The following CP variants were observed in gnomAD, a reference collection of about 807,000 sequenced individuals.
The protein encoded by CP is caeruloplasmin.
In CP, 64 loss-of-function variants were observed where a neutral mutation model predicts 122.4. The observed-to-expected ratio is 0.52, with a 90% CI of 0.43 to 0.64. The LOEUF is 0.64. Among genes scored for constraint, CP ranks in the 30% least tolerant of loss-of-function variants. The pLI, the probability that CP is intolerant of heterozygous loss-of-function variation, is 0.00. For synonymous variants in CP, 440 were observed against 436.4 expected (o/e 1.01, Z -0.10); for missense variants, 1,167 against 1,284.4 (o/e 0.91, Z 1.40).
In CP at chr3:149,183,470, A is replaced by T. The variant is rs998289672; in HGVS notation, c.2421T>A (p.Ile807=). The T allele has an allele frequency of 1.2e-6, 2 of 1,611,422 alleles. No homozygotes were observed. Among genetic ancestry groups the T allele is most frequent in the Admixed American group, 3.3e-5 (2 of 60,026 alleles). Residue 807 remains isoleucine, a synonymous_variant, in exon 13 of 19, where the codon ATT becomes ATA. Transcript: ENST00000264613. The part of the protein sequence containing the change: ...ERKAEEEHLG[I]LGPQLHADVG... ...AAACTGGAGATATTAACATACCTAG[A>T]ATTCCCAGATGTTCTTCTTCAGCTT...
intron 12 of CP, among the ~76,000 whole-genome samples, chr3:149,184,994 T>A (rs1726055961): frequency 6.6e-6 from 1 of 152,108 alleles, no homozygotes; most frequent in African/African-American, 2.4e-5. Context: ...GACACTCCAG[T>A]AGAAAAGAAA....
intron 9 of CP, among the ~76,000 whole-genome samples, chr3:149,190,482 A>AC (rs1726470277): frequency 6.6e-6 from 1 of 152,050 alleles, no homozygotes; most frequent in African/African-American, 2.4e-5. Flanking sequence ...ACATGGTGAA[A>AC]CCCCATCTCT....
At chr3:149,193,279 G>C (rs747545113) in intron 9 of CP, among the ~76,000 whole-genome samples, 1 of 151,986 alleles carries the variant, frequency 6.6e-6, no homozygotes, top group Non-Finnish European at 1.5e-5. Flanking sequence ...CTACTGTTTA[G>C]TTAAAACAAA....
At chr3:149,190,690 A>G (rs866278675) in intron 9 of CP, among the ~76,000 whole-genome samples, 20 of 150,956 alleles carry the variant, frequency 1.3e-4, no homozygotes, top group African/African-American at 4.6e-4. Context: ...GAGGGGGGGA[A>G]CCCCATAAAC....
chr3:149,178,566 A>G lies in CP; in HGVS notation c.2727T>C (p.Asn909=). The G allele has an allele frequency of 6.2e-7, 1 of 1,613,680 alleles. No individual in the cohort carries two copies. The change falls in exon 16 of 19, where the codon AAT becomes AAC. Residue 909 remains asparagine (N), a synonymous_variant. Coordinates refer to ENST00000264613, the MANE Select transcript of CP (RefSeq NM_000096.4). ...GGGCAAATTCCAGTTTCCTTCTGGG[A>G]TTGAATACTTTCAAGTAAGGTCTTC... is the stretch of plus-strand genomic sequence containing the variant. ...VCRRPYLKVF[N]PRRKLEFALL... is the part of the protein sequence containing the mutation.
downstream of CP, chr3:149,172,187 C>G (rs1489252070): frequency 1.2e-6 from 2 of 1,613,444 alleles, no homozygotes; most frequent in Non-Finnish European, 1.7e-6. Context: ...CTTGCCATAT[C>G]TTCTCTATTG....
downstream of CP, chr3:149,172,021 T>G (rs1446337787): frequency 2.0e-6 from 3 of 1,497,168 alleles, no homozygotes; most frequent in Non-Finnish European, 2.8e-6. Flanking sequence ...GGCTTCTAAT[T>G]GGTTGGTTAA....
chr3:149,210,426 T>G (rs768088300), intron 2 of CP, 47 bp from the exon 3 acceptor site: 2 of 1,486,542 alleles, frequency 1.3e-6, no homozygotes, highest in South Asian at 1.1e-5. Flanking sequence ...GTGTTTGAAC[T>G]TAAATGAGAG....
intron 9 of CP, among the ~76,000 whole-genome samples, chr3:149,196,309 T>A (rs1367097166): frequency 6.6e-6 from 1 of 152,174 alleles, no homozygotes; most frequent in African/African-American, 2.4e-5. Flanking sequence ...AAAAAATCTG[T>A]AGACTCAAAT....
chr3:149,162,929 AAAAAC>A (rs1291564856), intron 5 of CP: 1 of 1,363,506 alleles, frequency 7.3e-7, no homozygotes, highest in South Asian at 1.2e-5. Context: ...TGCCCATTAC[AAAAAC>A]ATACCTTATT....
chr3:149,167,581 T>A (rs566593779), downstream of CP, among the ~76,000 whole-genome samples: 2 of 152,338 alleles, frequency 1.3e-5, no homozygotes, highest in African/African-American at 4.8e-5. Flanking sequence ...CTTAGTTCTT[T>A]TTTTTCTTCA....
At chr3:149,205,330 G>A (rs1004523828) in intron 6 of CP, among the ~76,000 whole-genome samples, 1 of 149,910 alleles carries the variant, frequency 6.7e-6, no homozygotes, top group Non-Finnish European at 1.5e-5. Flanking sequence ...ATTAAAAATA[G>A]AATTACCATT....
chr3:149,198,314 A>C, intron 9 of CP, 53 bp downstream of exon 9: 2 of 1,365,916 alleles, frequency 1.5e-6, no homozygotes, highest in Non-Finnish European at 2.1e-6. Flanking sequence ...ATTTCTGTCA[A>C]ATGATCATTT....
chr3:149,212,444 A>C lies in CP; in HGVS notation c.394+7T>G, dbSNP rs368682092. 1.9e-6 allele frequency: 3 copies of C among 1,613,912 alleles called. No individual in the cohort carries two copies. Among genetic ancestry groups the C allele is most frequent in the Non-Finnish European group, 2.5e-6 (3 of 1,179,922 alleles). On this transcript the variant is annotated splice_region_variant and intron_variant, in intron 2 of 18. Coordinates refer to ENST00000264613, the MANE Select transcript of CP (RefSeq NM_000096.4). ...GAGGAAATTCCAGCTACATGAGCTG[A>C]ACTTACCCTCATGTTCCTTATAGTA...
chr3:149,190,887 T>A (rs1043841657), intron 9 of CP, among the ~76,000 whole-genome samples: 3 of 152,166 alleles, frequency 2.0e-5, no homozygotes, highest in Non-Finnish European at 4.4e-5. Context: ...TAAGCTTAAA[T>A]GAGAAATTCT....
At chr3:149,216,444 C>A (rs1282187329) in intron 1 of CP, among the ~76,000 whole-genome samples, 1 of 152,176 alleles carries the variant, frequency 6.6e-6, no homozygotes, top group African/African-American at 2.4e-5. Flanking sequence ...TAGGTGGCCC[C>A]TTTCATCTTC....
At chr3:149,177,194 G>T (rs946692706) in intron 17 of CP, among the ~76,000 whole-genome samples, 7 of 152,072 alleles carry the variant, frequency 4.6e-5, no homozygotes, top group Admixed American at 3.9e-4. Context: ...CTTAGAACAG[G>T]CAGGGCAAGG....
chr3:149,164,985 G>A (rs796515567), intron 5 of CP, among the ~76,000 whole-genome samples: 2 of 152,336 alleles, frequency 1.3e-5, no homozygotes, highest in African/African-American at 4.8e-5. Flanking sequence ...GAGGAGGGAA[G>A]CTGAAGAGGC....
At chr3:149,217,693 T>C (rs73166839) in intron 1 of CP, among the ~76,000 whole-genome samples, 14,283 of 152,262 alleles carry the variant, frequency 0.094, 963 homozygotes, top group East Asian at 0.32. Context: ...AAAATGAATG[T>C]CATTAGTGCA....
Sources: gnomAD v4.1 joint callset for allele counts (sites outside exome capture counted in the v4.1 genomes callset) on GRCh38, gnomAD v4.1.1 for gene constraint, MANE v1.5 for transcripts, NCBI Gene and HGNC (gene_info 2026-07-23, HGNC 2026-07-21) for gene names.